NDFIP1: variants seen among roughly 807,000 people sequenced by gnomAD.
NDFIP1 encodes the protein Nedd4 family interacting protein 1.
NDFIP1 carries 7 observed loss-of-function variants against 28.8 expected under a neutral mutation model. That is an observed-to-expected ratio of 0.24 (90% CI 0.14 to 0.46). NDFIP1 has a LOEUF of 0.46. Among genes scored for constraint, NDFIP1 ranks in the 20% least tolerant of loss-of-function variants. The pLI, the probability that NDFIP1 is intolerant of heterozygous loss-of-function variation, is 0.99. For synonymous variants in NDFIP1, 92 were observed against 101.0 expected (o/e 0.91, Z 0.53); for missense variants, 194 against 269.1 (o/e 0.72, Z 1.95).
At chr5:142,118,908 T>TA (rs1450784303) in intron 1 of NDFIP1, among the ~76,000 whole-genome samples, 1 of 152,202 alleles carries the variant, frequency 6.6e-6, no homozygotes, top group African/African-American at 2.4e-5. Flanking sequence ...AGGCTCATCT[T>TA]ATATATTTCC....
intron 7 of NDFIP1, among the ~76,000 whole-genome samples, chr5:142,150,180 CAAAAA>C (rs761699097): frequency 0.43 from 34,048 of 78,916 alleles, 4,227 homozygotes; most frequent in South Asian, 0.57. Flanking sequence ...GACTCCGTCT[CAAAAA>C]AAAAAAAAAA....
At chr5:142,149,336 G>A (rs1757422225) in intron 7 of NDFIP1, among the ~76,000 whole-genome samples, 1 of 151,052 alleles carries the variant, frequency 6.6e-6, no homozygotes, top group South Asian at 2.1e-4. Flanking sequence ...GGGAAATGGT[G>A]TTTCCAGTAG....
intron 1 of NDFIP1, among the ~76,000 whole-genome samples, chr5:142,128,017 A>T (rs1757187726): frequency 6.6e-6 from 1 of 152,158 alleles, no homozygotes; most frequent in South Asian, 2.1e-4. Context: ...ACAGGAAAAA[A>T]AATCCAGTGT....
Position 142,140,554 on chromosome 5 carries a change from AT to A in NDFIP1, c.496-3del. 6.2e-7 allele frequency: 1 copy of A among 1,606,242 alleles called. No homozygotes were observed. The highest frequency in any genetic ancestry group is 8.5e-7 in the Non-Finnish European group (1 of 1,176,792). On this transcript the variant is annotated splice_polypyrimidine_tract_variant and splice_region_variant and intron_variant, in intron 5 of 7. Coordinates refer to ENST00000253814, the MANE Select transcript of NDFIP1 (RefSeq NM_030571.4). ...AAGCTGCTATAAAGTGTTTTGCCTT[AT>A]TTTTTAGTTTTCCACCTATTTCCCT...
intron 7 of NDFIP1, among the ~76,000 whole-genome samples, chr5:142,147,510 G>A (rs1020646134): frequency 6.6e-6 from 1 of 152,158 alleles, no homozygotes; most frequent in Non-Finnish European, 1.5e-5. Context: ...GGTTAGATAA[G>A]TCTATTTGTA....
At chr5:142,115,754 A>G (rs1757060853) in intron 1 of NDFIP1, among the ~76,000 whole-genome samples, 1 of 152,072 alleles carries the variant, frequency 6.6e-6, no homozygotes, top group Non-Finnish European at 1.5e-5. Flanking sequence ...CATACTTTCC[A>G]GTGGTAATTG....
intron 3 of NDFIP1, among the ~76,000 whole-genome samples, chr5:142,134,530 T>C (rs1281284594): frequency 6.6e-6 from 1 of 152,204 alleles, no homozygotes; most frequent in Non-Finnish European, 1.5e-5. Flanking sequence ...CCGACTTCCC[T>C]TTCTCTAGTT....
Position 142,153,262 on chromosome 5 carries a change from T to G in NDFIP1, c.*1534T>G. The G allele has an allele frequency of 2.4e-6, 1 of 415,270 alleles. No individual in the cohort carries two copies. Among genetic ancestry groups the G allele is most frequent in the Non-Finnish European group, 4.7e-6 (1 of 214,146 alleles). 25.7% of individuals were successfully genotyped at this position (415,270 alleles called of 1,614,324 possible). A position where few individuals can be genotyped will look rare whatever the true frequency, so the allele number is the denominator to read the frequency against. Reference sequence around the variant, plus strand: ...TGTTTTTATGATATCAGCCATTTGATTTTTTTCATTTTCTATTTAAGAAAT... The same window carrying G: ...TGTTTTTATGATATCAGCCATTTGAGTTTTTTCATTTTCTATTTAAGAAAT... On this transcript the variant is annotated 3_prime_UTR_variant, in exon 8 of 8. Coordinates refer to ENST00000253814, the MANE Select transcript of NDFIP1 (RefSeq NM_030571.4).
At chr5:142,116,377 T>A (rs986666926) in intron 1 of NDFIP1, among the ~76,000 whole-genome samples, 4 of 151,862 alleles carry the variant, frequency 2.6e-5, no homozygotes, top group African/African-American at 9.7e-5. Context: ...TCTCTCTTTC[T>A]TTCTTTCTTT....
intron 3 of NDFIP1, among the ~76,000 whole-genome samples, chr5:142,132,581 A>G (rs1343731307): frequency 6.6e-6 from 1 of 152,142 alleles, no homozygotes; most frequent in East Asian, 1.9e-4. Context: ...CTACTTTTTC[A>G]AGTCTCCTGG....
chr5:142,135,846 C>G (rs751629318), intron 4 of NDFIP1, 29 bp downstream of exon 4: 1 of 1,506,092 alleles, frequency 6.6e-7, no homozygotes, highest in Non-Finnish European at 9.2e-7. Context: ...CAGAACCACC[C>G]CCTACAAACT....
Position 142,139,466 on chromosome 5 carries a change from A to C in NDFIP1, c.496-1097A>C, listed in dbSNP as rs575393228. On this transcript the variant is annotated intron_variant, in intron 5 of 7. Transcript: ENST00000253814. ...AGGTCCCCCCTCCCCTCAGGGTTAA[A>C]AGATGGCAGTTTCACGTATCAGTAT... is the stretch of plus-strand genomic sequence containing the variant. Among the ~76,000 whole-genome samples, 9 of 152,316 alleles carry C rather than the reference A, an allele frequency of 5.9e-5. No homozygotes were observed. The South Asian group carries it at 1.9e-3, about 32-fold the overall frequency.
At chr5:142,140,774 T>C in intron 6 of NDFIP1, 145 bp downstream of exon 6, 1 of 670,724 alleles carries the variant, frequency 1.5e-6, no homozygotes, top group Non-Finnish European at 2.3e-6. Flanking sequence ...GTTGCTTTCT[T>C]AAAAATAGTC....
chr5:142,120,155 T>C (rs1462671374), intron 1 of NDFIP1, among the ~76,000 whole-genome samples: 4 of 152,022 alleles, frequency 2.6e-5, no homozygotes, highest in African/African-American at 9.7e-5. Flanking sequence ...GGGGTTTCAC[T>C]ATGTTGGTCA....
intron 3 of NDFIP1, 93 bp downstream of exon 3, chr5:142,132,435 TG>T (rs1479997840): frequency 1.4e-6 from 2 of 1,447,826 alleles, no homozygotes; most frequent in Admixed American, 4.6e-5. Flanking sequence ...ATGATTGTAT[TG>T]ATTAGTGAAA....
chr5:142,132,453 C>A, intron 3 of NDFIP1, 111 bp downstream of exon 3: 1 of 1,329,348 alleles, frequency 7.5e-7, no homozygotes, highest in Non-Finnish European at 1.0e-6. Flanking sequence ...GAAAGTAGAG[C>A]TAATTTTAAA....
chr5:142,148,513 G>A (rs1757413618), intron 7 of NDFIP1, among the ~76,000 whole-genome samples: 1 of 152,112 alleles, frequency 6.6e-6, no homozygotes, highest in African/African-American at 2.4e-5. Context: ...CACTTTGGGA[G>A]GCCGAGGTGG....
At chr5:142,127,763 C>T (rs1438784514) in intron 1 of NDFIP1, among the ~76,000 whole-genome samples, 1 of 152,112 alleles carries the variant, frequency 6.6e-6, no homozygotes, top group African/African-American at 2.4e-5. Context: ...TGGTACCAAC[C>T]TGGCCAACAT....
intron 4 of NDFIP1, among the ~76,000 whole-genome samples, chr5:142,136,384 T>G (rs1346143501): frequency 6.6e-6 from 1 of 152,170 alleles, no homozygotes; most frequent in African/African-American, 2.4e-5. Flanking sequence ...TGAATCAGAT[T>G]ATTTGGGGGC....
Sources: allele counts gnomAD v4.1 joint callset (sites outside exome capture counted in the v4.1 genomes callset), GRCh38; gene constraint gnomAD v4.1.1; transcripts MANE v1.5; gene names NCBI Gene and HGNC (gene_info 2026-07-23, HGNC 2026-07-21).